RBMS3: variants seen among roughly 807,000 people sequenced by gnomAD.
RBMS3 encodes RNA binding motif single stranded interacting protein 3.
Under a neutral mutation model 66.8 loss-of-function variants are expected in RBMS3, and 27 were observed. The observed-to-expected ratio is 0.40, with a 90% CI of 0.30 to 0.56. The LOEUF is 0.56. Among genes scored for constraint, RBMS3 ranks in the 20% least tolerant of loss-of-function variants. The probability of loss-of-function intolerance (pLI) is 0.40; values close to 1 mark genes in which losing one functional copy is unlikely to be tolerated. For missense variants in RBMS3, 513 were observed against 549.5 expected, an observed-to-expected ratio of 0.93 and a Z score of 0.66; for synonymous variants, 188 against 183.0, an observed-to-expected ratio of 1.03 and a Z score of -0.22.
At chr3:29,885,077 T>C (rs1425445364) in intron 8 of RBMS3, among the ~76,000 whole-genome samples, 1 of 151,920 alleles carries the variant, frequency 6.6e-6, no homozygotes, top group Non-Finnish European at 1.5e-5. Context: ...TTACCTCTTA[T>C]TCTTATATTA....
chr3:29,662,466 T>C (rs1398154450), intron 4 of RBMS3, among the ~76,000 whole-genome samples: 1 of 152,246 alleles, frequency 6.6e-6, no homozygotes, highest in African/African-American at 2.4e-5. Flanking sequence ...AAAGCTCATA[T>C]TCTTGTGTTA....
chr3:29,663,506 T>C (rs2050635405), intron 4 of RBMS3, among the ~76,000 whole-genome samples: 1 of 152,236 alleles, frequency 6.6e-6, no homozygotes, highest in Non-Finnish European at 1.5e-5. Flanking sequence ...TGATTCTTCT[T>C]ACAATTTGAT....
At chr3:29,772,936 G>A (rs1210039668) in intron 6 of RBMS3, among the ~76,000 whole-genome samples, 1 of 151,992 alleles carries the variant, frequency 6.6e-6, no homozygotes, top group South Asian at 2.1e-4. Flanking sequence ...ATATCTTAGA[G>A]CACATTGTTT....
intron 10 of RBMS3, among the ~76,000 whole-genome samples, chr3:29,905,284 C>T (rs1445271885): frequency 6.6e-6 from 1 of 152,016 alleles, no homozygotes; most frequent in East Asian, 1.9e-4. Context: ...TTTAGAGCAT[C>T]TGTATTCCAT....
At position 29,829,334 on chromosome 3, in the gene RBMS3, C is replaced by T. The variant is rs570512217; in HGVS notation, c.638-39524C>T. On this transcript the variant is annotated intron_variant, in intron 6 of 14. Transcript: ENST00000383767. The stretch of plus-strand genomic sequence containing the variant: ...TGCTGGGATTACAGGCGTGAGCCAC[C>T]GCACCCAGCAACAAGTGAGTTTCTT... Among the ~76,000 whole-genome samples the T allele has an allele frequency of 4.6e-5, 7 of 152,244 alleles. No homozygotes were observed. In the East Asian group the frequency reaches 5.8e-4, roughly 13 times the overall value.
At chr3:29,517,307 GTATA>G (rs1316391438) in intron 3 of RBMS3, among the ~76,000 whole-genome samples, 2 of 104,752 alleles carry the variant, frequency 1.9e-5, no homozygotes, top group Non-Finnish European at 3.9e-5. Context: ...GTGTGTGTGT[GTATA>G]TATATATATT....
intron 4 of RBMS3, among the ~76,000 whole-genome samples, chr3:29,711,717 C>T (rs1221788062): frequency 6.6e-6 from 1 of 152,172 alleles, no homozygotes. Flanking sequence ...TACACATGCT[C>T]TAATCTTTGG....
At chr3:29,650,710 G>A (rs761143246) in intron 4 of RBMS3, among the ~76,000 whole-genome samples, 2 of 152,136 alleles carry the variant, frequency 1.3e-5, no homozygotes, top group African/African-American at 2.4e-5. Flanking sequence ...ATTAGATAAA[G>A]CAATTTAATT....
intron 6 of RBMS3, among the ~76,000 whole-genome samples, chr3:29,844,384 C>T (rs1453031569): frequency 6.6e-6 from 1 of 152,116 alleles, no homozygotes; most frequent in Non-Finnish European, 1.5e-5. Flanking sequence ...AATAAAGTCT[C>T]AAAATCAGCT....
At chr3:29,314,182 T>C (rs1384821868) in intron 1 of RBMS3, among the ~76,000 whole-genome samples, 1 of 151,734 alleles carries the variant, frequency 6.6e-6, no homozygotes, top group Admixed American at 6.6e-5. Flanking sequence ...AGCAACCTTG[T>C]GGTAAAAATC....
At chr3:29,511,632 C>G (rs1177364063) in intron 3 of RBMS3, among the ~76,000 whole-genome samples, 4 of 152,254 alleles carry the variant, frequency 2.6e-5, no homozygotes, top group Admixed American at 2.0e-4. Context: ...GAGTTTGAAT[C>G]AGCACAAATA....
intron 4 of RBMS3, among the ~76,000 whole-genome samples, chr3:29,733,145 A>T (rs575667039): frequency 6.6e-4 from 100 of 152,216 alleles, no homozygotes; most frequent in African/African-American, 2.3e-3. Flanking sequence ...CAATGTTTTT[A>T]AAAAATATCT....
At chr3:29,809,105 T>C (rs2057647569) in intron 6 of RBMS3, among the ~76,000 whole-genome samples, 1 of 151,918 alleles carries the variant, frequency 6.6e-6, no homozygotes, top group Non-Finnish European at 1.5e-5. Context: ...TAACAGTCAA[T>C]GGAGAAAACA....
intron 4 of RBMS3, among the ~76,000 whole-genome samples, chr3:29,641,614 T>G (rs2049717157): frequency 6.6e-6 from 1 of 152,250 alleles, no homozygotes; most frequent in East Asian, 1.9e-4. Context: ...TGACTTTTAA[T>G]TTTTTAGCTT....
intron 3 of RBMS3, among the ~76,000 whole-genome samples, chr3:29,557,695 G>A (rs1244316921): frequency 6.6e-6 from 1 of 152,128 alleles, no homozygotes; most frequent in Admixed American, 6.5e-5. Context: ...AGAGCATACA[G>A]GTGGCCTAAA....
At chr3:29,606,400 T>A (rs959191366) in intron 4 of RBMS3, among the ~76,000 whole-genome samples, 1 of 151,954 alleles carries the variant, frequency 6.6e-6, no homozygotes, top group African/African-American at 2.4e-5. Context: ...ATTTCAAGTG[T>A]GTTTGACTTA....
chr3:29,558,835 C>A (rs529279885), intron 3 of RBMS3, among the ~76,000 whole-genome samples: 25 of 152,280 alleles, frequency 1.6e-4, no homozygotes, highest in South Asian at 6.2e-4. Context: ...CCAGGTGATG[C>A]TGATGTAGCT....
At chr3:29,378,463 C>A (rs1422816644) in intron 1 of RBMS3, among the ~76,000 whole-genome samples, 2 of 144,086 alleles carry the variant, frequency 1.4e-5, no homozygotes, top group African/African-American at 2.6e-5. Context: ...CAGAGTGAGA[C>A]TCCGTCTCAA....
chr3:29,771,723 A>G (rs1172776410), intron 6 of RBMS3, among the ~76,000 whole-genome samples: 2 of 152,004 alleles, frequency 1.3e-5, no homozygotes, highest in African/African-American at 2.4e-5. Flanking sequence ...GTGTATAGGA[A>G]GTGTGGCTGG....
Sources: allele counts gnomAD v4.1 joint callset (sites outside exome capture counted in the v4.1 genomes callset), GRCh38; gene constraint gnomAD v4.1.1; transcripts MANE v1.5; gene names NCBI Gene and HGNC (gene_info 2026-07-23, HGNC 2026-07-21).